ADAMTSL2: variants seen among roughly 807,000 people sequenced by gnomAD.
ADAMTSL2 encodes the protein ADAMTS like 2, also known as ADAMTS-like protein 2.
In ADAMTSL2, 55 loss-of-function variants were observed where a neutral mutation model predicts 117.0. The observed-to-expected ratio is 0.47, with a 90% confidence interval of 0.38 to 0.59. The LOEUF is 0.59. ADAMTSL2 is among the 20% of genes least tolerant of loss of function. The probability of loss-of-function intolerance (pLI) is 0.00; values close to 1 mark genes in which losing one functional copy is unlikely to be tolerated. For synonymous variants in ADAMTSL2, 572 were observed against 566.4 expected, an observed-to-expected ratio of 1.01 and a Z score of -0.14; for missense variants, 1,182 against 1,354.5, an observed-to-expected ratio of 0.87 and a Z score of 2.00.
chr9:133,567,985 G>A (rs1831014194), intron 13 of ADAMTSL2, among the ~76,000 whole-genome samples: 1 of 152,206 alleles, frequency 6.6e-6, no homozygotes, highest in South Asian at 2.1e-4. Flanking sequence ...TGGGCGCACA[G>A]CCACCTGTGT....
chr9:133,570,649 GCTT>G, intron 17 of ADAMTSL2, 142 bp downstream of exon 17: 2 of 940,086 alleles, frequency 2.1e-6, no homozygotes, highest in East Asian at 2.6e-5. Context: ...TCCCGGGAAA[GCTT>G]CTCAACTCCA....
Position 133,539,833 on chromosome 9 carries a change from G to C in ADAMTSL2, c.372G>C (p.Val124=). ...EEQCVSFNSH[V]YNGRTHQWKP... is the part of the protein sequence containing the mutation. ...AGTGCGTCTCCTTCAACTCCCACGT[G>C]TACAACGGGCGGACGCACCAGTGGA... The change falls in exon 5 of 19, where the codon GTG becomes GTC. Residue 124 remains valine, a synonymous_variant. Coordinates refer to ENST00000651351, the MANE Select transcript of ADAMTSL2 (RefSeq NM_014694.4). The C allele has an allele frequency of 6.4e-7, 1 of 1,551,104 alleles. No homozygotes were observed. The highest frequency in any genetic ancestry group is 8.7e-7 in the Non-Finnish European group (1 of 1,147,002).
rs1256029574 is a variant in ADAMTSL2, at chr9:133,558,208, G to A, written c.1649+2278G>A. On this transcript the variant is annotated intron_variant, in intron 11 of 18. Transcript: ENST00000651351. This position sits in a 1 kb window ranked among gnomAD's most constrained non-coding sequence, Gnocchi z 4.3. ...CACTCAGAAAGGCCCTGACTGCTGA[G>A]ATGCCGCTGCTCCCCCGGCCGGCCT... Among the ~76,000 whole-genome samples the A allele has an allele frequency of 6.6e-6, 1 of 152,214 alleles. No homozygotes were observed. The highest frequency in any genetic ancestry group is 1.5e-5 in the Non-Finnish European group (1 of 68,046).
rs1413044238 is a variant in ADAMTSL2, at chr9:133,561,236, C to G, written c.1688C>G (p.Ala563Gly). The G allele has an allele frequency of 2.5e-6, 4 of 1,608,426 alleles. No individual in the cohort carries two copies. The highest frequency in any genetic ancestry group is 3.4e-6 in the Non-Finnish European group (4 of 1,178,022). ...GCGCGCAAGCAAGGCGTGAGTCCCGCGGACATGTACCGGTGGAAGCTCTCG... is the reference window on the plus strand; with the variant it reads ...GCGCGCAAGCAAGGCGTGAGTCCCGGGGACATGTACCGGTGGAAGCTCTCG... ...PKARKQGVSP[A>G]DMYRWKLSSH... Residue 563 changes from alanine to glycine, a missense_variant, in exon 12 of 19, where the codon GCG becomes GGG. Ala to Gly is a moderately conservative substitution (Grantham distance 60, BLOSUM62 0). Transcript: ENST00000651351.
Position 133,565,219 on chromosome 9 carries a change from G to A in ADAMTSL2, c.1748-1717G>A, listed in dbSNP as rs992870878. ...GTTTTCGAGATGGGTGTCATGAAGA[G>A]GGTGCCCAGAAAAAACGTCCTGGCA... On this transcript the variant is annotated intron_variant, in intron 12 of 18. Transcript: ENST00000651351. Among the ~76,000 whole-genome samples the A allele has an allele frequency of 2.3e-4, 35 of 152,222 alleles. No homozygotes were observed. In the South Asian group the frequency reaches 7.1e-3, roughly 31 times the overall value.
chr9:133,544,961 C>T (rs952843844), intron 8 of ADAMTSL2, among the ~76,000 whole-genome samples: 5 of 151,936 alleles, frequency 3.3e-5, no homozygotes, highest in African/African-American at 4.8e-5. Flanking sequence ...GGTAGGATTC[C>T]GACTCAGGTC....
At chr9:133,544,382 C>A in intron 7 of ADAMTSL2, 88 bp from the exon 8 acceptor site, 1 of 1,107,816 alleles carries the variant, frequency 9.0e-7, no homozygotes, top group Non-Finnish European at 1.4e-6. Context: ...AGCCACCGCT[C>A]ACCCTCCAAT....
At chr9:133,551,604 A>G (rs920335606) in intron 9 of ADAMTSL2, among the ~76,000 whole-genome samples, 10 of 151,970 alleles carry the variant, frequency 6.6e-5, no homozygotes, top group African/African-American at 2.4e-4. Flanking sequence ...TATTTACTGC[A>G]GATGGCCTTG....
chr9:133,532,443 T>A (rs1428312377), upstream of ADAMTSL2: 1 of 152,230 alleles, frequency 6.6e-6, no homozygotes, highest in Non-Finnish European at 1.5e-5. Context: ...GTGATCCCCC[T>A]GCTTCAGCCT....
At chr9:133,555,158 C>G (rs1259019676) in intron 10 of ADAMTSL2, among the ~76,000 whole-genome samples, 1 of 152,128 alleles carries the variant, frequency 6.6e-6, no homozygotes. Flanking sequence ...TAGGCCTCCT[C>G]CTCTGTGCCG....
intron 12 of ADAMTSL2, among the ~76,000 whole-genome samples, chr9:133,566,433 T>G (rs952695849): frequency 2.0e-5 from 3 of 152,070 alleles, no homozygotes; most frequent in African/African-American, 7.2e-5. Flanking sequence ...GGAGTGAGGC[T>G]CCATCTCAAA....
chr9:133,541,160 G>A (rs892267513), intron 7 of ADAMTSL2, among the ~76,000 whole-genome samples, 159 bp downstream of exon 7: 1 of 152,304 alleles, frequency 6.6e-6, no homozygotes, highest in African/African-American at 2.4e-5. Flanking sequence ...CTGGCCTGGT[G>A]ATTGTAGGCC....
chr9:133,561,106 C>T (rs1830717111), intron 11 of ADAMTSL2, 92 bp from the exon 12 acceptor site: 1 of 1,076,018 alleles, frequency 9.3e-7, no homozygotes, highest in East Asian at 2.6e-5. Flanking sequence ...GCGAACATAC[C>T]CTCCGAAGAA....
chr9:133,563,811 GA>G (rs1361466912), intron 12 of ADAMTSL2, among the ~76,000 whole-genome samples: 2 of 131,580 alleles, frequency 1.5e-5, no homozygotes, highest in African/African-American at 5.8e-5. Context: ...GAGAGAGAGA[GA>G]AAGGGGGAGA....
upstream of ADAMTSL2, chr9:133,532,215 G>A (rs1829961057): frequency 6.6e-6 from 1 of 151,172 alleles, no homozygotes; most frequent in Non-Finnish European, 1.5e-5. Flanking sequence ...TTTTCTTTTT[G>A]AGACGGAATC....
chr9:133,539,686 GCAGCCAC>G, intron 4 of ADAMTSL2, 78 bp from the exon 5 acceptor site: 368 of 1,304,762 alleles, frequency 2.8e-4, no homozygotes, highest in Non-Finnish European at 3.6e-4. Flanking sequence ...TGTCCCGGCT[GCAGCCAC>G]TTCCTGCTTA....
At chr9:133,567,208 C>T in intron 13 of ADAMTSL2, 146 bp downstream of exon 13, 1 of 1,046,996 alleles carries the variant, frequency 9.6e-7, no homozygotes, top group Non-Finnish European at 1.4e-6. Context: ...GCATACAGAC[C>T]TCACCCCTCA....
chr9:133,541,515 C>A (rs2131103524), intron 7 of ADAMTSL2, among the ~76,000 whole-genome samples: 1 of 152,268 alleles, frequency 6.6e-6, no homozygotes, highest in East Asian at 1.9e-4. Context: ...TTTCGAACTC[C>A]TGACCTCGAG....
At chr9:133,540,539 C>G (rs1420525454) in intron 5 of ADAMTSL2, 59 bp from the exon 6 acceptor site, 3 of 1,596,394 alleles carry the variant, frequency 1.9e-6, no homozygotes, top group Non-Finnish European at 2.6e-6. Flanking sequence ...AAGGGAAGTC[C>G]TCTGAATCCG....
Sources: gnomAD v4.1 joint callset for allele counts (sites outside exome capture counted in the v4.1 genomes callset) on GRCh38, gnomAD v4.1.1 for gene constraint, Gnocchi (gnomAD v3.1) non-coding constraint, MANE v1.5 for transcripts, NCBI Gene and HGNC (gene_info 2026-07-23, HGNC 2026-07-21) for gene names.